The following SYNE2 variants were observed in gnomAD, a reference collection of about 807,000 sequenced individuals.
SYNE2 encodes the protein spectrin repeat containing nuclear envelope protein 2.
Under a neutral mutation model 856.3 loss-of-function variants are expected in SYNE2, and 431 were observed. That is an observed-to-expected ratio of 0.50 (90% CI 0.47 to 0.55). SYNE2 has a LOEUF of 0.55. Ranked by LOEUF, SYNE2 falls within the 20% of genes least tolerant of loss-of-function variation. SYNE2 has a pLI of 0.00. For synonymous variants in SYNE2, 2,923 were observed against 2,872.3 expected, an observed-to-expected ratio of 1.02 and a Z score of -0.56; for missense variants, 8,129 against 8,023.2, an observed-to-expected ratio of 1.01 and a Z score of -0.50.
At chr14:64,045,573 T>C (rs1240645461) in intron 45 of SYNE2, among the ~76,000 whole-genome samples, 3 of 152,176 alleles carry the variant, frequency 2.0e-5, no homozygotes, top group Non-Finnish European at 4.4e-5. Flanking sequence ...GCACCTCTCT[T>C]TCTTCTTACA....
chr14:64,143,749 G>C, intron 82 of SYNE2, 23 bp from the exon 83 acceptor site: 1 of 1,613,676 alleles, frequency 6.2e-7, no homozygotes, highest in Non-Finnish European at 8.5e-7. Context: ...GACTGCTTTG[G>C]TGTTTAACTT....
At chr14:64,111,336 G>A (rs1363471071) in intron 65 of SYNE2, among the ~76,000 whole-genome samples, 2 of 152,078 alleles carry the variant, frequency 1.3e-5, no homozygotes, top group Non-Finnish European at 2.9e-5. Flanking sequence ...TTAATAGATT[G>A]TTCTCTCAAG....
chr14:63,817,687 C>T (rs1889049157), intron 1 of SYNE2, among the ~76,000 whole-genome samples: 5 of 152,054 alleles, frequency 3.3e-5, no homozygotes, highest in Admixed American at 3.3e-4. Flanking sequence ...TCAATACATG[C>T]AGAAAAAGCA....
intron 73 of SYNE2, 89 bp downstream of exon 73, chr14:64,126,896 G>A (rs1343089168): frequency 9.6e-6 from 13 of 1,347,416 alleles, no homozygotes; most frequent in Non-Finnish European, 1.3e-5. Flanking sequence ...GGTGACATTT[G>A]TTAATAAGAA....
intron 1 of SYNE2, among the ~76,000 whole-genome samples, chr14:63,905,615 T>C (rs1394156668): frequency 1.3e-5 from 2 of 152,208 alleles, no homozygotes; most frequent in African/African-American, 2.4e-5. Context: ...TACTGGTGTA[T>C]AGAAATGTTA....
intron 99 of SYNE2, among the ~76,000 whole-genome samples, chr14:64,201,047 G>C (rs1010861599): frequency 1.3e-5 from 2 of 152,190 alleles, no homozygotes; most frequent in African/African-American, 4.8e-5. Context: ...TTTACATGCA[G>C]CCTCTTATTT....
chr14:63,839,319 G>A lies in SYNE2; in HGVS notation c.-304-13182G>A, dbSNP rs144632471. The stretch of plus-strand genomic sequence containing the variant: ...GCTGGGATTACAGGTGTGAGCCACC[G>A]CGCCCGGCCTAAGATTTCTTAATTT... On this transcript the variant is annotated intron_variant, in intron 1 of 23. Coordinates refer to the SYNE2 transcript ENST00000674003. Among the ~76,000 whole-genome samples, 590 of 152,174 alleles carry A rather than the reference G, an allele frequency of 3.9e-3. 1 individual carries two copies. The highest frequency in any genetic ancestry group is 0.012 in the African/African-American group (497 of 41,512).
intron 1 of SYNE2, among the ~76,000 whole-genome samples, chr14:63,896,359 A>T (rs1047120352): frequency 6.6e-6 from 1 of 152,226 alleles, no homozygotes; most frequent in Admixed American, 6.5e-5. Flanking sequence ...ACACTGAAAT[A>T]CATTTTAATA....
chr14:64,211,822 G>T, intron 103 of SYNE2, 139 bp from the exon 104 acceptor site: 1 of 1,267,890 alleles, frequency 7.9e-7, no homozygotes, highest in Admixed American at 1.8e-5. Flanking sequence ...TGCTTCTGGG[G>T]CTTTCTGGGT....
intron 29 of SYNE2, 145 bp downstream of exon 29, chr14:64,002,226 T>A: frequency 1.3e-6 from 1 of 745,484 alleles, no homozygotes; most frequent in Non-Finnish European, 2.2e-6. Context: ...TTTAGACTTG[T>A]TTTTTATTTC....
chr14:64,178,152 T>C (rs748631242), intron 96 of SYNE2, among the ~76,000 whole-genome samples: 4 of 152,198 alleles, frequency 2.6e-5, no homozygotes, highest in East Asian at 1.9e-4. Flanking sequence ...GGGGATCAAA[T>C]TGAAAAAATT....
chr14:64,081,037 G>C (rs897380830), intron 56 of SYNE2, among the ~76,000 whole-genome samples: 3 of 152,228 alleles, frequency 2.0e-5, no homozygotes, highest in African/African-American at 7.2e-5. Context: ...AATAGGAGCT[G>C]TGGTTGGCTG....
chr14:64,068,749 C>G (rs1049535500), intron 51 of SYNE2, among the ~76,000 whole-genome samples: 50 of 151,330 alleles, frequency 3.3e-4, no homozygotes, highest in African/African-American at 1.2e-3. Flanking sequence ...GTAATCCCAG[C>G]TGCTCGGGAG....
At chr14:63,857,212 A>G (rs1188313439) in intron 1 of SYNE2, among the ~76,000 whole-genome samples, 1 of 152,084 alleles carries the variant, frequency 6.6e-6, no homozygotes, top group African/African-American at 2.4e-5. Context: ...GTTTTTTAGA[A>G]TGTTATGTAA....
At chr14:64,067,747 G>A (rs1337428475) in intron 51 of SYNE2, among the ~76,000 whole-genome samples, 2 of 152,130 alleles carry the variant, frequency 1.3e-5, no homozygotes, top group East Asian at 3.8e-4. Flanking sequence ...TTACCTCCCT[G>A]TTTTCTTAAA....
intron 1 of SYNE2, among the ~76,000 whole-genome samples, chr14:63,781,478 C>CT (rs903714088): frequency 6.0e-5 from 9 of 150,748 alleles, no homozygotes; most frequent in East Asian, 3.9e-4. Flanking sequence ...ATGAAAGCCA[C>CT]TTTTTTTTTC....
chr14:63,969,483 A>G (rs2096446735), intron 11 of SYNE2, among the ~76,000 whole-genome samples: 1 of 151,754 alleles, frequency 6.6e-6, no homozygotes. Flanking sequence ...CTGGGACTAC[A>G]GGTGCATCCC....
chr14:64,073,895 C>G (rs2097434367), intron 52 of SYNE2, 73 bp from the exon 53 acceptor site: 6 of 1,502,598 alleles, frequency 4.0e-6, no homozygotes, highest in Non-Finnish European at 4.6e-6. Context: ...TTAATTGTTG[C>G]AATAAAACTG....
chr14:63,837,988 A>G (rs1889918589), intron 1 of SYNE2, among the ~76,000 whole-genome samples: 1 of 151,928 alleles, frequency 6.6e-6, no homozygotes, highest in Non-Finnish European at 1.5e-5. Context: ...AAAAAATGCA[A>G]ATGTCCAATA....
Sources: allele counts gnomAD v4.1 joint callset (sites outside exome capture counted in the v4.1 genomes callset), GRCh38; gene constraint gnomAD v4.1.1; transcripts MANE v1.5; gene names NCBI Gene and HGNC (gene_info 2026-07-23, HGNC 2026-07-21).